Variants in TMEM108 observed in about 807,000 individuals in gnomAD.
TMEM108 encodes transmembrane protein 108, also known as cancer/testis antigen 124.
In TMEM108, 12 loss-of-function variants were observed where a neutral mutation model predicts 35.1. The ratio of observed to expected loss-of-function variants is 0.34; its 90% CI spans 0.22 to 0.55. The LOEUF is 0.55. Ranked by LOEUF, TMEM108 falls within the 20% of genes least tolerant of loss-of-function variation. The probability of loss-of-function intolerance (pLI) is 0.89; values close to 1 mark genes in which losing one functional copy is unlikely to be tolerated. For missense variants in TMEM108, 680 were observed against 753.3 expected (o/e 0.90, Z 1.14); for synonymous variants, 287 against 308.6 (o/e 0.93, Z 0.73).
rs78415560 is a variant in TMEM108 at position 133,051,652 on chromosome 3, C to T, written c.-47+5632C>T. ...ATGAGTTTTATAGTTTTGTCCTTTA[C>T]ATTTAGGCCTGTGATCCATTTTGAG... On this transcript the variant is annotated intron_variant, in intron 2 of 5. Coordinates refer to ENST00000321871, the MANE Select transcript of TMEM108 (RefSeq NM_023943.4). Among the ~76,000 whole-genome samples the T allele has an allele frequency of 1.6e-4, 24 of 152,180 alleles. No individual in the cohort carries two copies. The East Asian group carries it at 4.4e-3, about 28-fold the overall frequency.
intron 4 of TMEM108, chr3:133,387,291 G>A (rs2073167002): frequency 2.0e-6 from 2 of 985,326 alleles, no homozygotes; most frequent in African/African-American, 1.7e-5. Flanking sequence ...GACTTTCCAG[G>A]TGGAATACAT....
At position 133,100,126 on chromosome 3, in the gene TMEM108, A is replaced by G. The variant is rs117491918; in HGVS notation, c.-47+54106A>G. Among the ~76,000 whole-genome samples, 18 of 152,330 alleles carry G rather than the reference A, an allele frequency of 1.2e-4. No homozygotes were observed. The East Asian group carries it at 2.9e-3, about 25-fold the overall frequency. On this transcript the variant is annotated intron_variant, in intron 2 of 5. Coordinates refer to ENST00000321871, the MANE Select transcript of TMEM108 (RefSeq NM_023943.4). The stretch of plus-strand genomic sequence containing the variant: ...GCGGGAGGTGAAAGGCACTTCTCAC[A>G]TGGCAGCGGCGAGAGAAAAATGAGG...
At chr3:133,143,428 A>T (rs1341039004) in intron 2 of TMEM108, among the ~76,000 whole-genome samples, 1 of 152,162 alleles carries the variant, frequency 6.6e-6, no homozygotes, top group East Asian at 1.9e-4. Context: ...AAAGAAAAAA[A>T]AAAAGAGTGC....
intron 2 of TMEM108, among the ~76,000 whole-genome samples, chr3:133,152,448 A>G (rs1944816064): frequency 6.6e-6 from 1 of 152,152 alleles, no homozygotes; most frequent in African/African-American, 2.4e-5. Flanking sequence ...TCTCTGTTGT[A>G]TAGTGATTTG....
At chr3:133,167,106 A>G (rs1412899222) in intron 2 of TMEM108, among the ~76,000 whole-genome samples, 1 of 152,210 alleles carries the variant, frequency 6.6e-6, no homozygotes, top group Non-Finnish European at 1.5e-5. Flanking sequence ...ACAATCCTTT[A>G]GCTAGACATA....
At chr3:133,222,588 G>T (rs1229655954) in intron 2 of TMEM108, among the ~76,000 whole-genome samples, 1 of 151,126 alleles carries the variant, frequency 6.6e-6, no homozygotes, top group Admixed American at 6.6e-5. Context: ...TTTCTCCTCT[G>T]ACTATATATT....
intron 3 of TMEM108, among the ~76,000 whole-genome samples, chr3:133,373,217 C>T (rs372701635): frequency 7.2e-5 from 11 of 151,934 alleles, no homozygotes; most frequent in African/African-American, 2.4e-4. Context: ...GGCACAGTGG[C>T]GTGTGCCTGT....
chr3:133,333,154 A>G (rs1224770757), intron 3 of TMEM108, among the ~76,000 whole-genome samples: 1 of 152,194 alleles, frequency 6.6e-6, no homozygotes, highest in East Asian at 1.9e-4. Flanking sequence ...TGCACTGTCC[A>G]GTATAGTAGC....
chr3:133,372,153 T>G (rs565888290), intron 3 of TMEM108, among the ~76,000 whole-genome samples: 40 of 152,258 alleles, frequency 2.6e-4, no homozygotes, highest in African/African-American at 9.4e-4. Context: ...TGGGGAAAGA[T>G]TTGTTTTTTT....
At chr3:133,146,912 C>T (rs1220744576) in intron 2 of TMEM108, among the ~76,000 whole-genome samples, 1 of 152,106 alleles carries the variant, frequency 6.6e-6, no homozygotes, top group Non-Finnish European at 1.5e-5. Context: ...AAAAAACCAG[C>T]TCCTGGATTC....
intron 2 of TMEM108, among the ~76,000 whole-genome samples, chr3:133,185,202 T>C (rs1392657117): frequency 2.0e-5 from 3 of 152,194 alleles, no homozygotes; most frequent in Non-Finnish European, 4.4e-5. Context: ...GTTAGAAAGC[T>C]TGCTTCCTGC....
At chr3:133,291,443 G>C (rs781580035) in intron 3 of TMEM108, among the ~76,000 whole-genome samples, 2 of 151,958 alleles carry the variant, frequency 1.3e-5, no homozygotes, top group African/African-American at 2.4e-5. Context: ...ACCACACCCA[G>C]CTAATTTTAT....
At chr3:133,266,318 A>C (rs1259403490) in intron 3 of TMEM108, among the ~76,000 whole-genome samples, 4 of 152,248 alleles carry the variant, frequency 2.6e-5, no homozygotes, top group African/African-American at 7.2e-5. Context: ...AGTCACCTAT[A>C]GAATTCAAAT....
intron 2 of TMEM108, among the ~76,000 whole-genome samples, chr3:133,108,112 TC>T (rs1944178916): frequency 6.6e-6 from 1 of 152,068 alleles, no homozygotes; most frequent in South Asian, 2.1e-4. Context: ...GTGCCTGTAA[TC>T]CCAGCTACTC....
intron 2 of TMEM108, among the ~76,000 whole-genome samples, chr3:133,051,539 T>C (rs1034989531): frequency 6.6e-6 from 1 of 152,172 alleles, no homozygotes; most frequent in African/African-American, 2.4e-5. Context: ...TATAAGTTCT[T>C]TCTTTCATGG....
chr3:133,179,382 A>G (rs1442058291), intron 2 of TMEM108, among the ~76,000 whole-genome samples: 1 of 152,182 alleles, frequency 6.6e-6, no homozygotes, highest in Non-Finnish European at 1.5e-5. Flanking sequence ...CACTATTCAC[A>G]ATAGCAAAGA....
Position 133,057,448 on chromosome 3 carries a change from T to C in TMEM108, c.-47+11428T>C, listed in dbSNP as rs1198680926. ...GTGTGTGTGTGTGTATATATATATA[T>C]ATATATATATATATATATATATATA... On this transcript the variant is annotated intron_variant, in intron 2 of 5. Transcript: ENST00000321871. Among the ~76,000 whole-genome samples the C allele has an allele frequency of 9.8e-4, 27 of 27,624 alleles. 1 individual carries two copies. Among genetic ancestry groups the C allele is most frequent in the African/African-American group, 2.6e-3 (27 of 10,502 alleles). The allele number at this position is 27,624 out of a possible 152,430, so 18.1% of individuals were successfully genotyped here.
chr3:133,261,794 C>A (rs1295150299), intron 3 of TMEM108, among the ~76,000 whole-genome samples: 1 of 152,198 alleles, frequency 6.6e-6, no homozygotes, highest in East Asian at 1.9e-4. Context: ...GGAAGGTTTT[C>A]TATGGTATTT....
intron 2 of TMEM108, among the ~76,000 whole-genome samples, chr3:133,178,962 A>G (rs1945285062): frequency 6.6e-6 from 1 of 152,096 alleles, no homozygotes; most frequent in South Asian, 2.1e-4. Flanking sequence ...CAAATTTACA[A>G]GAAAAAAACA....
Sources: gnomAD v4.1 joint callset for allele counts (sites outside exome capture counted in the v4.1 genomes callset) on GRCh38, gnomAD v4.1.1 for gene constraint, MANE v1.5 for transcripts, NCBI Gene and HGNC (gene_info 2026-07-23, HGNC 2026-07-21) for gene names.